The following POLR2M variants were observed in gnomAD, a reference collection of about 807,000 sequenced individuals.
The protein encoded by POLR2M is protein GRINL1A.
A neutral mutation model predicts 34.6 loss-of-function variants in POLR2M; 30 were observed. The ratio of observed to expected loss-of-function variants is 0.87; its 90% CI spans 0.65 to 1.18. The LOEUF (loss-of-function observed/expected upper bound fraction) is 1.18. POLR2M is among the 50% of genes most tolerant of loss of function. POLR2M has a pLI of 0.00. For synonymous variants in POLR2M, 150 were observed against 166.7 expected (o/e 0.90, Z 0.77); for missense variants, 432 against 448.7 (o/e 0.96, Z 0.34).
chr15:57,707,000 G>A (rs2040512009), intron 1 of POLR2M, 45 bp downstream of exon 1: 6 of 1,553,246 alleles, frequency 3.9e-6, no homozygotes, highest in Non-Finnish European at 5.2e-6. Context: ...CCTTCAGCTC[G>A]AGCTCCCTGG....
chr15:57,714,920 G>C lies in POLR2M; in HGVS notation c.*241G>C. 1 of 535,506 alleles carries C rather than the reference G, an allele frequency of 1.9e-6. No homozygotes were observed. The allele number at this position is 535,506 out of a possible 1,614,324, so 33.2% of individuals were successfully genotyped here. On this transcript the variant is annotated 3_prime_UTR_variant, in exon 4 of 4. Transcript: ENST00000299638. ...AAAATTTTGCAATATATTGTGTATT[G>C]GTCTGATATTTTAGTATATAGTAGA...
In POLR2M at chr15:57,716,573, G is replaced by A. The variant is rs1196895704; in HGVS notation, c.*1894G>A. Reference sequence around the variant, plus strand: ...TTGCAAATTGAATAATTACAGAAAAGGGCTACATTTAAAATTTGTATTTGT... The same window carrying A: ...TTGCAAATTGAATAATTACAGAAAAAGGCTACATTTAAAATTTGTATTTGT... On this transcript the variant is annotated 3_prime_UTR_variant, in exon 4 of 4. Coordinates refer to ENST00000299638, the MANE Select transcript of POLR2M (RefSeq NM_015532.5). The A allele has an allele frequency of 2.0e-5, 3 of 152,272 alleles. No homozygotes were observed. Among genetic ancestry groups the A allele is most frequent in the Non-Finnish European group, 2.9e-5 (2 of 68,042 alleles). The allele number at this position is 152,272 out of a possible 1,614,324, so 9.4% of individuals were successfully genotyped here.
At chr15:57,714,289 G>C (rs1170893549) in intron 3 of POLR2M, among the ~76,000 whole-genome samples, 2 of 152,122 alleles carry the variant, frequency 1.3e-5, no homozygotes, top group East Asian at 3.9e-4. Flanking sequence ...ATATAGAGGA[G>C]TGTATTTCAG....
rs1567268782 is a variant in POLR2M at position 57,712,063 on chromosome 15, A to G, written c.838A>G (p.Arg280Gly). 1.2e-6 allele frequency: 2 copies of G among 1,614,088 alleles called. No homozygotes were observed. The highest frequency in any genetic ancestry group is 1.7e-6 in the Non-Finnish European group (2 of 1,179,986). The change falls in exon 3 of 4, where the codon AGG becomes GGG. Residue 280 changes from arginine (R) to glycine (G), a missense_variant. Physicochemically the swap from Arg to Gly is moderately radical, Grantham distance 125. Transcript: ENST00000299638. ...SPISSEERRR[R>G]DKQHLDDITA... is the part of the protein sequence containing the mutation. ...TATTTCCTCAGAAGAGCGGCGGCGCAGGGATAAGCAGCATCTTGATGACAT... is the reference window on the plus strand; with the variant it reads ...TATTTCCTCAGAAGAGCGGCGGCGCGGGGATAAGCAGCATCTTGATGACAT...
At chr15:57,707,908 C>G (rs1274620236) in intron 1 of POLR2M, among the ~76,000 whole-genome samples, 1 of 152,096 alleles carries the variant, frequency 6.6e-6, no homozygotes, top group East Asian at 1.9e-4. Flanking sequence ...AATGTAGTGT[C>G]AAAAAGAACA....
rs1168145278 is a variant in POLR2M at position 57,712,340 on chromosome 15, A to C, written c.963+152A>C. On this transcript the variant is annotated intron_variant, in intron 3 of 3. Coordinates refer to ENST00000299638, the MANE Select transcript of POLR2M (RefSeq NM_015532.5). ...TGCCACTAGTTTTCAGAGAGTCACAAAGTTGCTAGAACTGCAGGAAGTAGC... is the reference window on the plus strand; with the variant it reads ...TGCCACTAGTTTTCAGAGAGTCACACAGTTGCTAGAACTGCAGGAAGTAGC... 6.5e-6 allele frequency: 6 copies of C among 917,526 alleles called. No individual in the cohort carries two copies. In the African/African-American group the frequency reaches 8.4e-5, roughly 13 times the overall value. 56.8% of individuals were successfully genotyped at this position (917,526 alleles called of 1,614,324 possible). A position where few individuals can be genotyped will look rare whatever the true frequency, so the allele number is the denominator to read the frequency against.
At chr15:57,708,226 A>G (rs1485778995) in intron 1 of POLR2M, among the ~76,000 whole-genome samples, 2 of 152,264 alleles carry the variant, frequency 1.3e-5, no homozygotes, top group African/African-American at 4.8e-5. Context: ...ATACACAAGC[A>G]CACATTCTAT....
At chr15:57,713,820 C>CTTTTTTTTTTTTTTTTTTTTTTT (rs869161314) in intron 3 of POLR2M, among the ~76,000 whole-genome samples, 1 of 65,640 alleles carries the variant, frequency 1.5e-5, no homozygotes, top group Non-Finnish European at 2.7e-5. Context: ...ATTAGTCCTT[C>CTTTTTTTTTTTTTTTTTTTTTTT]TTTTTTTTTT....
Position 57,706,753 on chromosome 15 carries a change from A to C in POLR2M, c.-90A>C. ...ATGGCGACTCCCGCTCGTGCCCCGG[A>C]GTCACCGCCGTCCGCGGATCCGGCG... is the stretch of plus-strand genomic sequence containing the variant. On this transcript the variant is annotated 5_prime_UTR_variant, in exon 1 of 4. Transcript: ENST00000299638. 1.4e-6 allele frequency: 2 copies of C among 1,433,322 alleles called. No homozygotes were observed. The highest frequency in any genetic ancestry group is 1.9e-6 in the Non-Finnish European group (2 of 1,056,468). The allele number at this position is 1,433,322 out of a possible 1,614,324, so 88.8% of individuals were successfully genotyped here. A position where few individuals can be genotyped will look rare whatever the true frequency, so the allele number is the denominator to read the frequency against.
At chr15:57,711,954 A>G (rs773744506) in intron 2 of POLR2M, 30 bp from the exon 3 acceptor site, 1 of 1,612,182 alleles carries the variant, frequency 6.2e-7, no homozygotes, top group Admixed American at 1.7e-5. Context: ...AAATAATCTG[A>G]TTGTATAACA....
At chr15:57,707,151 C>A (rs1254031857) in intron 1 of POLR2M, 196 bp downstream of exon 1, 1 of 1,525,090 alleles carries the variant, frequency 6.6e-7, no homozygotes, top group South Asian at 1.2e-5. Context: ...GGCACGTATG[C>A]CTGCGAGGAT....
Position 57,716,705 on chromosome 15 carries a change from A to T in POLR2M, c.*2026A>T, listed in dbSNP as rs2040959680. Reference sequence around the variant, plus strand: ...TATTTTTTCTGTTGCTTGCTTGGAGAATTTGCTCTTTTTTTGGCATATAAG... The same window carrying T: ...TATTTTTTCTGTTGCTTGCTTGGAGTATTTGCTCTTTTTTTGGCATATAAG... On this transcript the variant is annotated 3_prime_UTR_variant, in exon 4 of 4. Coordinates refer to ENST00000299638, the MANE Select transcript of POLR2M (RefSeq NM_015532.5). 6.6e-6 allele frequency: 1 copy of T among 152,234 alleles called. No individual in the cohort carries two copies. The highest frequency in any genetic ancestry group is 2.4e-5 in the African/African-American group (1 of 41,506). 9.4% of individuals were successfully genotyped at this position (152,234 alleles called of 1,614,324 possible).
intron 2 of POLR2M, among the ~76,000 whole-genome samples, chr15:57,710,160 C>T (rs1377124861): frequency 6.6e-6 from 1 of 152,114 alleles, no homozygotes; most frequent in African/African-American, 2.4e-5. Flanking sequence ...ATAACAGTTT[C>T]AGGGGGAAGG....
At chr15:57,713,299 T>G (rs1225875069) in intron 3 of POLR2M, among the ~76,000 whole-genome samples, 4 of 152,118 alleles carry the variant, frequency 2.6e-5, no homozygotes, top group African/African-American at 9.7e-5. Context: ...AAAAAAACCA[T>G]TTTTCTTTCA....
rs1485795936 is a variant in POLR2M, at chr15:57,715,008, A to T, written c.*329A>T. On this transcript the variant is annotated 3_prime_UTR_variant, in exon 4 of 4. Coordinates refer to ENST00000299638, the MANE Select transcript of POLR2M (RefSeq NM_015532.5). The stretch of plus-strand genomic sequence containing the variant: ...TAACTTTGCTTTTTTCCTTTTTCTT[A>T]CCTATCAAATAGCATTTATTACATG... 9.0e-6 allele frequency: 2 copies of T among 221,610 alleles called. No individual in the cohort carries two copies. The highest frequency in any genetic ancestry group is 4.7e-5 in the African/African-American group (2 of 42,660). The allele number at this position is 221,610 out of a possible 1,614,324, so 13.7% of individuals were successfully genotyped here.
In POLR2M at chr15:57,708,886, A is replaced by G. The variant is rs748843142; in HGVS notation, c.286A>G (p.Thr96Ala). 6.2e-6 allele frequency: 10 copies of G among 1,613,946 alleles called. 1 individual carries two copies. The South Asian group carries it at 8.8e-5, about 14-fold the overall frequency. ...QKAIAEVDVG[T>A]DKAQNSDPIL... is the part of the protein sequence containing the mutation. ...AGCAATTGCAGAAGTTGATGTGGGT[A>G]CAGATAAGGCCCAGAATTCTGACCC... The change falls in exon 2 of 4, where the codon ACA becomes GCA. Residue 96 changes from threonine to alanine, a missense_variant. By Grantham distance (58) the Thr-to-Ala change is moderately conservative (BLOSUM62 0). Transcript: ENST00000299638.
chr15:57,714,732 T>C lies in POLR2M; in HGVS notation c.*53T>C, dbSNP rs1326640569. 9.5e-6 allele frequency: 15 copies of C among 1,582,806 alleles called. No individual in the cohort carries two copies. Among genetic ancestry groups the C allele is most frequent in the Non-Finnish European group, 1.2e-5 (14 of 1,163,482 alleles). On this transcript the variant is annotated 3_prime_UTR_variant, in exon 4 of 4. Transcript: ENST00000299638. Reference sequence around the variant, plus strand: ...AGATGTCATCATCTTACATCAGACTTTCTAACTAGTATCAAGATCAGTGTC... The same window carrying C: ...AGATGTCATCATCTTACATCAGACTCTCTAACTAGTATCAAGATCAGTGTC...
rs1567264214 is a variant in POLR2M at position 57,706,962 on chromosome 15, T to A, written c.113+7T>A. 6.3e-7 allele frequency: 1 copy of A among 1,585,296 alleles called. No homozygotes were observed. The highest frequency in any genetic ancestry group is 8.6e-7 in the Non-Finnish European group (1 of 1,165,516). ...AGAGACTTTTGCGCAACGAGTAAGC[T>A]GGGGTCCCGCGGAGTCTCCGCCAGG... On this transcript the variant is annotated splice_region_variant and intron_variant, in intron 1 of 3. Transcript: ENST00000299638.
At position 57,709,275 on chromosome 15, in the gene POLR2M, T is replaced by C. The variant is rs754511940; in HGVS notation, c.675T>C (p.Thr225=). The change falls in exon 2 of 4, where the codon ACT becomes ACC. Residue 225 remains threonine (T), a synonymous_variant. Transcript: ENST00000299638. The stretch of plus-strand genomic sequence containing the variant: ...ACTTGACAGGCCTTTCCAGTGGGAC[T>C]GAGAAGAAACCTCATTACATGGAAG... The part of the protein sequence containing the change: ...TKNLTGLSSG[T]EKKPHYMEVL... The C allele has an allele frequency of 4.3e-5, 69 of 1,614,092 alleles. No individual in the cohort carries two copies. Among genetic ancestry groups the C allele is most frequent in the Non-Finnish European group, 5.7e-5 (67 of 1,180,050 alleles).
Sources: allele counts gnomAD v4.1 joint callset (sites outside exome capture counted in the v4.1 genomes callset), GRCh38; gene constraint gnomAD v4.1.1; transcripts MANE v1.5; gene names NCBI Gene and HGNC (gene_info 2026-07-23, HGNC 2026-07-21).